RORA: variants seen among roughly 807,000 people sequenced by gnomAD.
The protein encoded by RORA is RAR related orphan receptor A.
A neutral mutation model predicts 69.5 loss-of-function variants in RORA; 7 were observed. That is an observed-to-expected ratio of 0.10 (90% CI 0.06 to 0.19). The LOEUF is 0.19. Among genes scored for constraint, RORA ranks in the 10% least tolerant of loss-of-function variants. The pLI is 1.00. For synonymous variants in RORA, 261 were observed against 240.8 expected (o/e 1.08, Z -0.78); for missense variants, 457 against 663.0 (o/e 0.69, Z 3.41).
chr15:60,886,339 C>T (rs1466990113), intron 1 of RORA, among the ~76,000 whole-genome samples: 1 of 152,092 alleles, frequency 6.6e-6, no homozygotes, highest in African/African-American at 2.4e-5. Flanking sequence ...AGGTGGGGGC[C>T]CCTGGATATG....
chr15:60,760,608 A>G (rs2071871238), intron 1 of RORA, among the ~76,000 whole-genome samples: 1 of 152,220 alleles, frequency 6.6e-6, no homozygotes, highest in Non-Finnish European at 1.5e-5. Context: ...TGTAAACAGC[A>G]TTAAAATATA....
intron 2 of RORA, among the ~76,000 whole-genome samples, chr15:60,560,017 G>A (rs2067484768): frequency 6.6e-6 from 1 of 151,940 alleles, no homozygotes; most frequent in African/African-American, 2.4e-5. Flanking sequence ...CTGTGAAAAT[G>A]AATTTGTGAT....
chr15:60,740,448 C>T (rs944392668), intron 1 of RORA, among the ~76,000 whole-genome samples: 3 of 152,214 alleles, frequency 2.0e-5, no homozygotes, highest in Non-Finnish European at 2.9e-5. Context: ...TGGATGTGAA[C>T]TGGAGCCTAC....
intron 1 of RORA, among the ~76,000 whole-genome samples, chr15:61,043,957 G>T (rs186924265): frequency 1.1e-4 from 17 of 152,192 alleles, no homozygotes; most frequent in African/African-American, 3.9e-4. Context: ...GGTTCCCAGA[G>T]CAAAGCTGTG....
intron 1 of RORA, among the ~76,000 whole-genome samples, chr15:61,107,801 A>C (rs892466813): frequency 6.6e-6 from 1 of 151,994 alleles, no homozygotes; most frequent in Non-Finnish European, 1.5e-5. Flanking sequence ...GCAATTTAAC[A>C]AGACTTCACT....
chr15:61,033,189 C>T (rs782958), intron 1 of RORA, among the ~76,000 whole-genome samples: 9,817 of 152,202 alleles, frequency 0.064, 376 homozygotes, highest in East Asian at 0.15. Flanking sequence ...AGGCTCCAGT[C>T]TATGGCTACA....
intron 1 of RORA, among the ~76,000 whole-genome samples, chr15:60,946,923 C>A (rs1015240917): frequency 1.9e-4 from 29 of 152,086 alleles, no homozygotes; most frequent in African/African-American, 7.0e-4. Flanking sequence ...GGCCCCGACC[C>A]CGTCTGGGAG....
chr15:60,947,079 G>A (rs1402856262), intron 1 of RORA, among the ~76,000 whole-genome samples: 2 of 85,490 alleles, frequency 2.3e-5, no homozygotes, highest in East Asian at 3.4e-4. Context: ...GCCAGCCCCC[G>A]ACCGGCCAGC....
intron 1 of RORA, among the ~76,000 whole-genome samples, chr15:60,922,228 T>C (rs1258504529): frequency 6.6e-6 from 1 of 152,216 alleles, no homozygotes; most frequent in Non-Finnish European, 1.5e-5. Context: ...GAAACTGTTC[T>C]GTATAATACT....
chr15:60,865,679 C>T (rs1238399256), intron 1 of RORA, among the ~76,000 whole-genome samples: 1 of 152,170 alleles, frequency 6.6e-6, no homozygotes, highest in South Asian at 2.1e-4. Flanking sequence ...TTTCTCAATG[C>T]TTGTTCAGTC....
intron 1 of RORA, among the ~76,000 whole-genome samples, chr15:61,224,679 G>T (rs1283820358): frequency 6.6e-6 from 1 of 152,212 alleles, no homozygotes; most frequent in Non-Finnish European, 1.5e-5. Flanking sequence ...AATTCCAAAG[G>T]TTAGCTCTGG....
At chr15:60,770,209 A>T (rs149734340) in intron 1 of RORA, among the ~76,000 whole-genome samples, 5,071 of 152,256 alleles carry the variant, frequency 0.033, 117 homozygotes, top group Non-Finnish European at 0.048. Flanking sequence ...TTCAAAAAAG[A>T]TATTCCTTTT....
chr15:61,221,454 T>C (rs1186654943), intron 1 of RORA, among the ~76,000 whole-genome samples: 2 of 152,228 alleles, frequency 1.3e-5, no homozygotes, highest in African/African-American at 2.4e-5. Flanking sequence ...AGTCAGACGA[T>C]TTTATATTCT....
chr15:61,073,209 T>C (rs1193775718), intron 1 of RORA, among the ~76,000 whole-genome samples: 2 of 152,206 alleles, frequency 1.3e-5, no homozygotes, highest in African/African-American at 4.8e-5. Context: ...AGCAGTTCCT[T>C]GAGATTCGTA....
At chr15:60,889,685 A>G (rs2073793288) in intron 1 of RORA, among the ~76,000 whole-genome samples, 2 of 152,224 alleles carry the variant, frequency 1.3e-5, no homozygotes, top group African/African-American at 4.8e-5. Context: ...TTGCAGGCAA[A>G]GATACACAAT....
In RORA at chr15:60,874,135, A is replaced by G. The variant is rs183785189; in HGVS notation, c.167-195449T>C. On this transcript the variant is annotated intron_variant, in intron 1 of 10. Coordinates refer to ENST00000335670, the MANE Select transcript of RORA (RefSeq NM_134261.3). ...AAATTGATAAAAATCTCATTTTATAATAAGTTCACTGCTACATAAAATTTA... is the reference window on the plus strand; with the variant it reads ...AAATTGATAAAAATCTCATTTTATAGTAAGTTCACTGCTACATAAAATTTA... Among the ~76,000 whole-genome samples, 348 of 152,238 alleles carry G rather than the reference A, an allele frequency of 2.3e-3. 1 individual carries two copies. Among genetic ancestry groups the G allele is most frequent in the African/African-American group, 7.4e-3 (306 of 41,560 alleles).
At chr15:61,079,967 T>C (rs1232159354) in intron 1 of RORA, among the ~76,000 whole-genome samples, 1 of 152,146 alleles carries the variant, frequency 6.6e-6, no homozygotes, top group African/African-American at 2.4e-5. Flanking sequence ...CATAATAGGA[T>C]GGGAAGAAGT....
intron 1 of RORA, among the ~76,000 whole-genome samples, chr15:61,209,159 G>A (rs760261593): frequency 2.6e-5 from 4 of 152,000 alleles, no homozygotes; most frequent in Admixed American, 6.6e-5. Context: ...TTCAGAGCTC[G>A]CCACAGGGGC....
intron 1 of RORA, among the ~76,000 whole-genome samples, chr15:61,222,797 G>A (rs542030857): frequency 8.3e-4 from 126 of 152,224 alleles, no homozygotes; most frequent in Non-Finnish European, 1.5e-3. Context: ...TGGGGCAATC[G>A]AAATGTTCTT....
Sources: gnomAD v4.1 joint callset for allele counts (sites outside exome capture counted in the v4.1 genomes callset) on GRCh38, gnomAD v4.1.1 for gene constraint, MANE v1.5 for transcripts, NCBI Gene and HGNC (gene_info 2026-07-23, HGNC 2026-07-21) for gene names.